AKAP3: variants seen among roughly 807,000 people sequenced by gnomAD.
AKAP3 encodes A-kinase anchoring protein 3.
In AKAP3, 27 loss-of-function variants were observed where a neutral mutation model predicts 57.2. The ratio of observed to expected loss-of-function variants is 0.47; its 90% CI spans 0.35 to 0.65. AKAP3 has a LOEUF of 0.65. Ranked by LOEUF, AKAP3 falls within the 30% of genes least tolerant of loss-of-function variation. The probability of loss-of-function intolerance (pLI) is 0.01; values close to 1 mark genes in which losing one functional copy is unlikely to be tolerated. For missense variants in AKAP3, 959 were observed against 1,040.0 expected (o/e 0.92, Z 1.07); for synonymous variants, 334 against 392.3 (o/e 0.85, Z 1.76).
At chr12:4,642,655 G>A (rs536470325) in intron 2 of AKAP3, among the ~76,000 whole-genome samples, 1 of 152,286 alleles carries the variant, frequency 6.6e-6, no homozygotes, top group African/African-American at 2.4e-5. Flanking sequence ...GAATGTGATT[G>A]CTCCCTCATT....
intron 1 of AKAP3, chr12:4,647,867 A>ATC (rs4147697): frequency 0.44 from 66,599 of 151,828 alleles, 16,278 homozygotes; most frequent in Admixed American, 0.56. Context: ...GGGGCAAGAT[A>ATC]GAGTGGAAAC....
intron 3 of AKAP3, among the ~76,000 whole-genome samples, chr12:4,638,487 T>C (rs1482528164): frequency 1.3e-5 from 2 of 152,124 alleles, no homozygotes; most frequent in Admixed American, 6.6e-5. Context: ...TAGGCAGCCA[T>C]GTCCCGCCCC....
At chr12:4,640,003 A>G (rs1411395632) in intron 3 of AKAP3, among the ~76,000 whole-genome samples, 1 of 151,838 alleles carries the variant, frequency 6.6e-6, no homozygotes, top group East Asian at 1.9e-4. Flanking sequence ...TTTTTAGTAG[A>G]GACGGGGTTT....
At position 4,637,768 on chromosome 12, in the gene AKAP3, A is replaced by G. The variant is rs370431284; in HGVS notation, c.96+333T>C. Among the ~76,000 whole-genome samples, 80 of 152,264 alleles carry G rather than the reference A, an allele frequency of 5.3e-4. 2 individuals are homozygous for G. The highest frequency in any genetic ancestry group is 1.5e-3 in the Admixed American group (23 of 15,292). On this transcript the variant is annotated intron_variant, in intron 4 of 5. Coordinates refer to ENST00000228850, the MANE Select transcript of AKAP3 (RefSeq NM_001278309.2). ...TAAGCCTTGGAGACATTTATCTCCA[A>G]TTCCTCTCTGTTTGAAAATTAAAAT... is the stretch of plus-strand genomic sequence containing the variant.
intron 5 of AKAP3, among the ~76,000 whole-genome samples, chr12:4,620,733 TG>T (rs1171215324): frequency 6.6e-6 from 1 of 152,078 alleles, no homozygotes; most frequent in African/African-American, 2.4e-5. Context: ...CTCACTTGTT[TG>T]GGGGGATGCT....
At chr12:4,640,762 T>A (rs1468031994) in intron 3 of AKAP3, among the ~76,000 whole-genome samples, 1 of 152,212 alleles carries the variant, frequency 6.6e-6, no homozygotes, top group Non-Finnish European at 1.5e-5. Flanking sequence ...ATTCCTTAGG[T>A]AAACAATGAG....
At chr12:4,635,317 A>C in intron 4 of AKAP3, 4 of 458,854 alleles carry the variant, frequency 8.7e-6, no homozygotes, top group African/African-American at 2.0e-5. Flanking sequence ...GCAGAAGACT[A>C]TTCTAGCTAG....
intron 5 of AKAP3, among the ~76,000 whole-genome samples, chr12:4,617,501 C>A (rs914159122): frequency 6.6e-6 from 1 of 152,124 alleles, no homozygotes; most frequent in African/African-American, 2.4e-5. Flanking sequence ...GCCTGTAATC[C>A]CAGTACTTTG....
chr12:4,630,546 A>G (rs1170114457), intron 4 of AKAP3, among the ~76,000 whole-genome samples: 1 of 152,228 alleles, frequency 6.6e-6, no homozygotes, highest in Admixed American at 6.5e-5. Flanking sequence ...GTCGGAGTTA[A>G]GATCCATTGT....
intron 4 of AKAP3, among the ~76,000 whole-genome samples, chr12:4,637,051 A>AATGATGTAATAGGATAGAGTCTATT (rs1434040170): frequency 1.3e-5 from 2 of 152,200 alleles, no homozygotes; most frequent in Admixed American, 6.5e-5. Flanking sequence ...CAGTCTGATA[A>AATGATGTAATAGGATAGAGTCTATT]ATGATGTAAT....
Position 4,627,859 on chromosome 12 carries a change from A to G in AKAP3, c.1043T>C (p.Leu348Pro). The G allele has an allele frequency of 1.2e-6, 2 of 1,614,170 alleles. No individual in the cohort carries two copies. Among genetic ancestry groups the G allele is most frequent in the South Asian group, 2.2e-5 (2 of 91,076 alleles). The change falls in exon 5 of 6, where the codon CTC becomes CCC. Residue 348 changes from leucine (L) to proline (P), a missense_variant. Transcript: ENST00000228850. The part of the protein sequence containing the change: ...LRNLHSVTGT[L>P]MTDTQFVSAV... ...CGAGACAAACTGTGTGTCAGTCATG[A>G]GGGTCCCTGTGACGCTGTGGAGATT...
chr12:4,628,968 T>C (rs1437618303), intron 4 of AKAP3, among the ~76,000 whole-genome samples, 163 bp from the exon 5 acceptor site: 1 of 152,256 alleles, frequency 6.6e-6, no homozygotes, highest in Non-Finnish European at 1.5e-5. Context: ...TATCAGACAT[T>C]GTTCCAAGTA....
chr12:4,642,717 A>G (rs755378057), intron 2 of AKAP3, among the ~76,000 whole-genome samples: 9 of 152,156 alleles, frequency 5.9e-5, no homozygotes, highest in Non-Finnish European at 1.2e-4. Context: ...TAGTAGTTTA[A>G]TTGCTCCCAT....
chr12:4,617,309 T>C (rs1300860388), intron 5 of AKAP3, among the ~76,000 whole-genome samples: 1 of 152,124 alleles, frequency 6.6e-6, no homozygotes, highest in African/African-American at 2.4e-5. Context: ...TGCCAGAAAA[T>C]GTGTTCTAAA....
rs916680766 is a variant in AKAP3 at position 4,639,174 on chromosome 12, T to C, written c.1-978A>G. 7.2e-5 allele frequency among the ~76,000 whole-genome samples: 11 copies of C among 152,210 alleles called. 1 individual carries two copies. Among genetic ancestry groups the C allele is most frequent in the Admixed American group, 6.5e-4 (10 of 15,282 alleles). On this transcript the variant is annotated intron_variant, in intron 3 of 5. Transcript: ENST00000228850. ...TTCCACAACACCGAATCTTACTTGC[T>C]AGTCTTTGAAAACATGGCCAACTCT...
chr12:4,635,627 T>A, intron 4 of AKAP3: 1 of 777,400 alleles, frequency 1.3e-6, no homozygotes, highest in Middle Eastern at 2.4e-4. Flanking sequence ...AGGACATGCT[T>A]GCCTCTGAAG....
At chr12:4,624,306 T>A (rs1945381957) in intron 5 of AKAP3, among the ~76,000 whole-genome samples, 1 of 146,366 alleles carries the variant, frequency 6.8e-6, no homozygotes, top group Non-Finnish European at 1.5e-5. Context: ...AATAATAATT[T>A]GTGACTTTAC....
intron 4 of AKAP3, among the ~76,000 whole-genome samples, chr12:4,632,842 A>G (rs925165153): frequency 5.9e-5 from 9 of 152,166 alleles, no homozygotes; most frequent in African/African-American, 9.6e-5. Context: ...GGGTTTCACC[A>G]TGTTAGCCAG....
chr12:4,630,346 T>C (rs1945481746), intron 4 of AKAP3, among the ~76,000 whole-genome samples: 1 of 152,184 alleles, frequency 6.6e-6, no homozygotes, highest in Non-Finnish European at 1.5e-5. Flanking sequence ...AGAAGTTAAA[T>C]AGTTTGCCAG....
Sources: gnomAD v4.1 joint callset for allele counts (sites outside exome capture counted in the v4.1 genomes callset) on GRCh38, gnomAD v4.1.1 for gene constraint, MANE v1.5 for transcripts, NCBI Gene and HGNC (gene_info 2026-07-23, HGNC 2026-07-21) for gene names.